Variants in ERBB2 observed in about 807,000 individuals in gnomAD.
ERBB2 encodes the protein erb-b2 receptor tyrosine kinase 2.
A neutral mutation model predicts 149.0 loss-of-function variants in ERBB2; 61 were observed. The ratio of observed to expected loss-of-function variants is 0.41; its 90% CI spans 0.33 to 0.51. The LOEUF is 0.51. Among genes scored for constraint, ERBB2 ranks in the 20% least tolerant of loss-of-function variants. The pLI is 0.25. For synonymous variants in ERBB2, 633 were observed against 678.8 expected, an observed-to-expected ratio of 0.93 and a Z score of 1.05; for missense variants, 1,205 against 1,655.1, an observed-to-expected ratio of 0.73 and a Z score of 4.72.
chr17:39,699,400 G>A (rs2057960064), upstream of ERBB2: 1 of 601,628 alleles, frequency 1.7e-6, no homozygotes, highest in African/African-American at 1.9e-5. Flanking sequence ...GGCAGAGGTT[G>A]TGGTGAGCAG....
chr17:39,713,785 G>A (rs1241554158), intron 9 of ERBB2, among the ~76,000 whole-genome samples: 2 of 147,894 alleles, frequency 1.4e-5, no homozygotes, highest in Non-Finnish European at 3.0e-5. Context: ...GTCAGGCGCC[G>A]TGGTGCACAC....
chr17:39,689,900 C>CAA (rs77805136), intron 2 of ERBB2, among the ~76,000 whole-genome samples: 2 of 47,468 alleles, frequency 4.2e-5, no homozygotes, highest in African/African-American at 8.2e-5. Context: ...GAGCGAAACT[C>CAA]AAAAAAAAAA....
Position 39,725,510 on chromosome 17 carries a change from G to A in ERBB2, c.2725+108G>A. On this transcript the variant is annotated intron_variant, in intron 22 of 26. Transcript: ENST00000269571. The surrounding 1 kb of genome is among the most constrained non-coding windows in gnomAD (Gnocchi z 4.6). The stretch of plus-strand genomic sequence containing the variant: ...GGGCCACCTCAGCATGTGAAGGGAG[G>A]GAAGGGGCTGCCTGTGCCCCACCTT... 7.7e-7 allele frequency: 1 copy of A among 1,296,516 alleles called. No homozygotes were observed. Among genetic ancestry groups the A allele is most frequent in the Admixed American group, 1.9e-5 (1 of 53,746 alleles). 80.3% of individuals were successfully genotyped at this position (1,296,516 alleles called of 1,614,324 possible). A position where few individuals can be genotyped will look rare whatever the true frequency, so the allele number is the denominator to read the frequency against.
chr17:39,707,074 G>T lies in ERBB2; in HGVS notation c.158G>T (p.Cys53Phe). The change falls in exon 2 of 27, where the codon TGC becomes TTC. Residue 53 changes from cysteine to phenylalanine, a missense_variant. Physicochemically the swap from Cys to Phe is radical, Grantham distance 205. Around this residue, in one of 6 missense-constraint regions of ERBB2, gnomAD observed 101 missense variants for 95.1 expected, o/e 1.06. Coordinates refer to ENST00000269571, the MANE Select transcript of ERBB2 (RefSeq NM_004448.4). ...ATGCTCCGCCACCTCTACCAGGGCT[G>T]CCAGGTGGTGCAGGGAAACCTGGAA... ...LDMLRHLYQG[C>F]QVVQGNLELT... 1 of 1,606,330 alleles carries T rather than the reference G, an allele frequency of 6.2e-7. No individual in the cohort carries two copies. The highest frequency in any genetic ancestry group is 8.5e-7 in the Non-Finnish European group (1 of 1,176,568).
upstream of ERBB2, among the ~76,000 whole-genome samples, chr17:39,699,236 G>A (rs2057953702): frequency 6.6e-6 from 1 of 151,946 alleles, no homozygotes; most frequent in African/African-American, 2.4e-5. Flanking sequence ...GAGGCGGGAG[G>A]ATCACCTGAG....
upstream of ERBB2, among the ~76,000 whole-genome samples, chr17:39,694,260 T>TGTGTATATATATATATATACAC (rs2057797488): frequency 1.3e-4 from 3 of 23,488 alleles, no homozygotes; most frequent in African/African-American, 2.1e-4. Flanking sequence ...TATATATATA[T>TGTGTATATATATATATATACAC]ATATATATGT....
At position 39,727,757 on chromosome 17, in the gene ERBB2, C is replaced by T. The variant is rs1210088528; in HGVS notation, c.3481C>T (p.Arg1161Ter). ...CCGAGAGGGCCCTCTGCCTGCTGCC[C>T]GACCTGCTGGTGCCACTCTGGAAAG... Reference protein sequence around the residue: ...SPREGPLPAARPAGATLERPK... With the variant: ...SPREGPLPAA The change falls in exon 27 of 27, where the codon CGA (arginine) becomes TGA (stop). Residue 1161 changes from arginine (R) to a stop codon, truncating the protein, a stop_gained. Transcript: ENST00000269571. LOFTEE classifies it high-confidence loss of function. This position sits in a 1 kb window ranked among gnomAD's most constrained non-coding sequence, Gnocchi z 4.3. 10 of 1,601,858 alleles carry T rather than the reference C, an allele frequency of 6.2e-6. No individual in the cohort carries two copies. Among genetic ancestry groups the T allele is most frequent in the East Asian group, 2.2e-5 (1 of 44,718 alleles).
upstream of ERBB2, among the ~76,000 whole-genome samples, chr17:39,693,789 T>TAAG (rs2057764722): frequency 6.8e-6 from 1 of 148,090 alleles, no homozygotes; most frequent in Non-Finnish European, 1.5e-5. Flanking sequence ...ATAATAATAA[T>TAAG]AATAATAATA....
At chr17:39,709,966 G>T in intron 5 of ERBB2, 85 bp downstream of exon 5, 1 of 1,501,522 alleles carries the variant, frequency 6.7e-7, no homozygotes, top group East Asian at 2.3e-5. Flanking sequence ...ACATGGGAGG[G>T]GTGGGATAAC....
chr17:39,709,698 T>G (rs1379038784), intron 4 of ERBB2, 115 bp from the exon 5 acceptor site: 2 of 1,089,416 alleles, frequency 1.8e-6, no homozygotes, highest in Admixed American at 1.9e-5. Flanking sequence ...GGTCCCTCCC[T>G]TGCTGTGCAG....
chr17:39,689,978 C>A (rs1018867513), upstream of ERBB2, among the ~76,000 whole-genome samples: 1 of 151,476 alleles, frequency 6.6e-6, no homozygotes, highest in African/African-American at 2.4e-5. Context: ...TACTGAAATG[C>A]AGTAACGCCC....
chr17:39,720,028 CA>C, intron 16 of ERBB2, 194 bp downstream of exon 16: 1 of 597,268 alleles, frequency 1.7e-6, no homozygotes, highest in Non-Finnish European at 3.0e-6. Context: ...GAGGGGACTG[CA>C]AGGAAAGATG....
In ERBB2 at chr17:39,728,256, G is replaced by GC; in HGVS notation, c.*212_*213insC. The GC allele has an allele frequency of 2.0e-6, 1 of 495,962 alleles. No individual in the cohort carries two copies. The highest frequency in any genetic ancestry group is 4.0e-5 in the South Asian group (1 of 24,948). The allele number at this position is 495,962 out of a possible 1,614,324, so 30.7% of individuals were successfully genotyped here. ...TCGTTGGAAGAGGAACAGCACTGGG[G>GC]AGTCTTTGTGGATTCTGAGGCCCTG... On this transcript the variant is annotated 3_prime_UTR_variant, in exon 27 of 27. Coordinates refer to ENST00000269571, the MANE Select transcript of ERBB2 (RefSeq NM_004448.4).
At position 39,726,893 on chromosome 17, in the gene ERBB2, C is replaced by G. The variant is rs2143176122; in HGVS notation, c.3049C>G (p.Leu1017Val). The G allele has an allele frequency of 6.2e-7, 1 of 1,614,024 alleles. No homozygotes were observed. Among genetic ancestry groups the G allele is most frequent in the African/African-American group, 1.3e-5 (1 of 75,036 alleles). The part of the protein sequence containing the change: ...SLLEDDDMGD[L>V]VDAEEYLVPQ... Reference sequence around the variant, plus strand: ...GCTGGAGGACGATGACATGGGGGACCTGGTGGATGCTGAGGAGTATCTGGT... The same window carrying G: ...GCTGGAGGACGATGACATGGGGGACGTGGTGGATGCTGAGGAGTATCTGGT... Residue 1017 changes from leucine (L) to valine (V), a missense_variant, in exon 25 of 27, where the codon CTG becomes GTG. This residue lies in a region of ERBB2 where 312 missense variants were observed against 343.8 expected (regional missense o/e 0.91). Coordinates refer to ENST00000269571, the MANE Select transcript of ERBB2 (RefSeq NM_004448.4). The surrounding 1 kb of genome is among the most constrained non-coding windows in gnomAD (Gnocchi z 5.1).
upstream of ERBB2, among the ~76,000 whole-genome samples, chr17:39,697,354 GTT>G (rs60262818): frequency 1.1e-4 from 14 of 122,086 alleles, no homozygotes; most frequent in South Asian, 2.6e-4. Context: ...TTTTTGTTTT[GTT>G]TTTTTTTTTT....
At chr17:39,718,543 A>G (rs1010539403) in intron 15 of ERBB2, among the ~76,000 whole-genome samples, 9 of 152,218 alleles carry the variant, frequency 5.9e-5, no homozygotes, top group South Asian at 2.1e-4. Flanking sequence ...CACACCTGTA[A>G]TCCCAGCACT....
In ERBB2 at chr17:39,726,383, A is replaced by G. The variant is rs1044104111; in HGVS notation, c.2873-179A>G. 1.3e-5 allele frequency: 8 copies of G among 602,572 alleles called. No individual in the cohort carries two copies. The highest frequency in any genetic ancestry group is 2.1e-5 in the Non-Finnish European group (7 of 336,794). 37.3% of individuals were successfully genotyped at this position (602,572 alleles called of 1,614,324 possible). The stretch of plus-strand genomic sequence containing the variant: ...GAAAAAAAAAATTAAAAGGGAAACT[A>G]GAAGAGATGCCAAAGGTTCTGGCTG... On this transcript the variant is annotated intron_variant, in intron 23 of 26. Coordinates refer to ENST00000269571, the MANE Select transcript of ERBB2 (RefSeq NM_004448.4). The surrounding 1 kb of genome is among the most constrained non-coding windows in gnomAD (Gnocchi z 5.1).
upstream of ERBB2, among the ~76,000 whole-genome samples, chr17:39,690,077 C>T (rs2057661822): frequency 6.6e-6 from 1 of 151,930 alleles, no homozygotes. Context: ...CATTTATATA[C>T]ATTTAGTTAA....
chr17:39,700,076 G>C lies in ERBB2; in HGVS notation c.-163G>C. On this transcript the variant is annotated 5_prime_UTR_variant, in exon 1 of 27. Coordinates refer to ENST00000269571, the MANE Select transcript of ERBB2 (RefSeq NM_004448.4). ...TGAAGCTGAGATTCCCCTCCATTGG[G>C]ACCGGAGAAACCAGGGGAGCCCCCC... 1.6e-6 allele frequency: 2 copies of C among 1,272,926 alleles called. No homozygotes were observed. The highest frequency in any genetic ancestry group is 2.0e-6 in the Non-Finnish European group (2 of 1,013,156). 78.9% of individuals were successfully genotyped at this position (1,272,926 alleles called of 1,614,324 possible).
Sources: gnomAD v4.1 joint callset for allele counts (sites outside exome capture counted in the v4.1 genomes callset) on GRCh38, gnomAD v4.1.1 for gene constraint, gnomAD v4.1.1 regional missense constraint, Gnocchi (gnomAD v3.1) non-coding constraint, MANE v1.5 for transcripts, NCBI Gene and HGNC (gene_info 2026-07-23, HGNC 2026-07-21) for gene names.